The following EVI5 variants were observed in gnomAD, a reference collection of about 807,000 sequenced individuals.
The protein encoded by EVI5 is ecotropic viral integration site 5, also known as ecotropic viral integration site 5 protein homolog.
Under a neutral mutation model 112.0 loss-of-function variants are expected in EVI5, and 73 were observed. That is an observed-to-expected ratio of 0.65 (90% confidence interval 0.54 to 0.79). The LOEUF (loss-of-function observed/expected upper bound fraction) is 0.79. EVI5 is among the 30% of genes least tolerant of loss of function. EVI5 has a pLI of 0.00. For missense variants in EVI5, 900 were observed against 968.8 expected (o/e 0.93, Z 0.94); for synonymous variants, 305 against 319.9 (o/e 0.95, Z 0.50).
At chr1:92,614,416 A>G (rs1442384106) in intron 16 of EVI5, among the ~76,000 whole-genome samples, 2 of 152,206 alleles carry the variant, frequency 1.3e-5, no homozygotes, top group African/African-American at 4.8e-5. Flanking sequence ...CTAAGTGTCA[A>G]CTTGATTGGA....
At chr1:92,527,301 G>A (rs1052369258) in intron 19 of EVI5, among the ~76,000 whole-genome samples, 19 of 151,658 alleles carry the variant, frequency 1.3e-4, no homozygotes, top group African/African-American at 4.6e-4. Flanking sequence ...TGTACTCCTA[G>A]CTACTTGGTA....
intron 6 of EVI5, among the ~76,000 whole-genome samples, chr1:92,695,709 T>C (rs1334757142): frequency 6.6e-6 from 1 of 152,158 alleles, no homozygotes; most frequent in African/African-American, 2.4e-5. Context: ...AAGTTTTATA[T>C]TTGTTTAATC....
intron 19 of EVI5, among the ~76,000 whole-genome samples, chr1:92,546,625 G>A (rs2100691890): frequency 6.6e-6 from 1 of 152,220 alleles, no homozygotes; most frequent in South Asian, 2.1e-4. Context: ...GAATCCGGGA[G>A]GCGGAGGTTG....
At chr1:92,515,848 C>G (rs1035823509) in intron 19 of EVI5, among the ~76,000 whole-genome samples, 1 of 152,144 alleles carries the variant, frequency 6.6e-6, no homozygotes. Flanking sequence ...TATATGACAA[C>G]AAGAATCAGC....
chr1:92,716,173 AC>A (rs1328755606), intron 2 of EVI5, among the ~76,000 whole-genome samples: 3 of 151,612 alleles, frequency 2.0e-5, no homozygotes, highest in Non-Finnish European at 2.9e-5. Flanking sequence ...TGGGTTCCTG[AC>A]CCCCATGTAG....
chr1:92,789,451 T>C (rs528008208), upstream of EVI5, among the ~76,000 whole-genome samples: 78 of 152,158 alleles, frequency 5.1e-4, 1 homozygote, highest in African/African-American at 1.8e-3. Context: ...TACAGGCGCC[T>C]GCCACCACAC....
chr1:92,698,094 C>T (rs1670592749), intron 5 of EVI5, 109 bp from the exon 6 acceptor site: 3 of 946,948 alleles, frequency 3.2e-6, no homozygotes, highest in Admixed American at 4.2e-5. Context: ...GTTTGAGTGG[C>T]TGTGTGCTGC....
chr1:92,614,903 T>C (rs1019647297), intron 16 of EVI5, among the ~76,000 whole-genome samples: 3 of 148,420 alleles, frequency 2.0e-5, no homozygotes, highest in Non-Finnish European at 4.5e-5. Context: ...TATTCCTATA[T>C]ATATCCTATT....
chr1:92,651,212 T>C (rs895863927), intron 13 of EVI5, among the ~76,000 whole-genome samples: 9 of 152,218 alleles, frequency 5.9e-5, no homozygotes, highest in African/African-American at 2.2e-4. Context: ...ATAAGTTCAT[T>C]CCATTATAAG....
rs558171435 is a variant in EVI5 at position 92,773,503 on chromosome 1, C to T, written c.-82+11333G>A. On this transcript the variant is annotated intron_variant, in intron 1 of 19. Transcript: ENST00000684568. Reference sequence around the variant, plus strand: ...AAGACCCCCAAAAATTAGCCAAGTGCGGTGGCACAAACCCTGTTGTCCCCA... The same window carrying T: ...AAGACCCCCAAAAATTAGCCAAGTGTGGTGGCACAAACCCTGTTGTCCCCA... Among the ~76,000 whole-genome samples the T allele has an allele frequency of 3.3e-5, 5 of 151,748 alleles. No individual in the cohort carries two copies. In the South Asian group the frequency reaches 6.3e-4, roughly 19 times the overall value.
At chr1:92,595,932 T>C (rs1309122721) in intron 18 of EVI5, among the ~76,000 whole-genome samples, 7 of 152,352 alleles carry the variant, frequency 4.6e-5, no homozygotes, top group South Asian at 2.1e-4. Context: ...TGACAGTATG[T>C]TGAAATACTG....
intron 1 of EVI5, among the ~76,000 whole-genome samples, chr1:92,751,007 A>G (rs1180126460): frequency 6.6e-6 from 1 of 152,102 alleles, no homozygotes; most frequent in African/African-American, 2.4e-5. Flanking sequence ...AAAATTAGCC[A>G]GGCATGGTGG....
At position 92,790,687 on chromosome 1, in the gene EVI5, C is replaced by T. The variant is rs548195458; in HGVS notation, c.51+1657G>A. 7.3e-5 allele frequency among the ~76,000 whole-genome samples: 11 copies of T among 151,606 alleles called. No homozygotes were observed. In the South Asian group the frequency reaches 8.4e-4, roughly 12 times the overall value. ...GCTTTAACTTAGCAGGGCATGGTGG[C>T]GTGCACCTGTAGTCCCAGCAACTAG... On this transcript the variant is annotated intron_variant, in intron 1 of 17. Transcript: ENST00000370331.
chr1:92,534,825 A>G (rs1663564968), intron 19 of EVI5, among the ~76,000 whole-genome samples: 1 of 152,250 alleles, frequency 6.6e-6, no homozygotes, highest in South Asian at 2.1e-4. Context: ...AAACCCTAGA[A>G]GAAAACCTAG....
At chr1:92,560,269 C>T (rs1668322543) in intron 19 of EVI5, among the ~76,000 whole-genome samples, 1 of 152,134 alleles carries the variant, frequency 6.6e-6, no homozygotes, top group Non-Finnish European at 1.5e-5. Context: ...ATCTCACAAA[C>T]AATGTTGAGC....
At chr1:92,763,686 A>C (rs961678473) in intron 1 of EVI5, among the ~76,000 whole-genome samples, 5 of 152,192 alleles carry the variant, frequency 3.3e-5, no homozygotes, top group Non-Finnish European at 7.3e-5. Flanking sequence ...GAATCCCAGC[A>C]CTTTAGGAGG....
chr1:92,673,857 T>C (rs913196257), intron 10 of EVI5, among the ~76,000 whole-genome samples: 1 of 152,178 alleles, frequency 6.6e-6, no homozygotes, highest in Non-Finnish European at 1.5e-5. Flanking sequence ...CTGACAGATA[T>C]AGTTCTTAGA....
intron 19 of EVI5, among the ~76,000 whole-genome samples, chr1:92,522,294 A>G (rs1317250282): frequency 6.6e-6 from 1 of 152,146 alleles, no homozygotes; most frequent in Admixed American, 6.5e-5. Context: ...AACTTTGAAC[A>G]CAGAACTTTG....
At chr1:92,585,489 T>A (rs1404809478) in intron 18 of EVI5, among the ~76,000 whole-genome samples, 1 of 152,034 alleles carries the variant, frequency 6.6e-6, no homozygotes, top group African/African-American at 2.4e-5. Context: ...ACACTCTCCC[T>A]CTCTTAAAAC....
Sources: allele counts gnomAD v4.1 joint callset (sites outside exome capture counted in the v4.1 genomes callset), GRCh38; gene constraint gnomAD v4.1.1; transcripts MANE v1.5; gene names NCBI Gene and HGNC (gene_info 2026-07-23, HGNC 2026-07-21).